Variants in TRMT2B observed in about 807,000 individuals in gnomAD.
The protein encoded by TRMT2B is tRNA methyltransferase 2B.
A neutral mutation model predicts 39.7 loss-of-function variants in TRMT2B; 34 were observed. The observed-to-expected ratio is 0.86, with a 90% CI of 0.65 to 1.14. TRMT2B has a LOEUF of 1.14. Ranked by LOEUF, TRMT2B falls within the 50% of genes most tolerant of loss-of-function variation. The pLI is 0.00. For missense variants in TRMT2B, 318 were observed against 377.2 expected (o/e 0.84, Z 1.30); for synonymous variants, 132 against 137.3 (o/e 0.96, Z 0.27).
At chrX:101,036,938 C>T (rs1486346903) in intron 6 of TRMT2B, 36 bp downstream of exon 6, 1 of 1,064,919 alleles carries the variant, frequency 9.4e-7, no homozygotes, top group Non-Finnish European at 1.3e-6. Context: ...CCTTTCATTC[C>T]TCTTCAGTCT....
Position 101,051,512 on chromosome X carries a change from G to A in TRMT2B, c.-285C>T. 2.7e-6 allele frequency: 2 copies of A among 754,595 alleles called. No individual in the cohort carries two copies. The highest frequency in any genetic ancestry group is 1.3e-4 in the South Asian group (2 of 14,879). The allele number at this position is 754,595 out of a possible 1,213,427, so 62.2% of individuals were successfully genotyped here. On this transcript the variant is annotated 5_prime_UTR_variant, in exon 2 of 14. Coordinates refer to ENST00000372936, the MANE Select transcript of TRMT2B (RefSeq NM_024917.6). ...GCAAGTTCTGCCCACTGTGTCTGTA[G>A]GAAGGGTTAACAAAGAGGAGACACT...
At chrX:101,030,469 C>A (rs866783795) in intron 7 of TRMT2B, among the ~76,000 whole-genome samples, 1 of 28,465 alleles carries the variant, frequency 3.5e-5, no homozygotes, top group African/African-American at 3.8e-4. Context: ...TTTTTTTTTT[C>A]AGATGGAGTC....
intron 13 of TRMT2B, among the ~76,000 whole-genome samples, chrX:101,016,454 T>C (rs1041056184): frequency 9.1e-6 from 1 of 110,417 alleles, no homozygotes; most frequent in Non-Finnish European, 1.9e-5. Context: ...ATGGTATTTG[T>C]AGCACAAAAC....
In TRMT2B at chrX:101,038,090, G is replaced by A. The variant is rs1186208201; in HGVS notation, c.304-39C>T. ...TAAGCTATGAAACGAAATACTGGCT[G>A]GGCACGGTGGCTCACGCCTGTAATC... On this transcript the variant is annotated intron_variant, in intron 4 of 13. Transcript: ENST00000372936. 8.4e-6 allele frequency: 10 copies of A among 1,188,414 alleles called. No homozygotes were observed. In the East Asian group the frequency reaches 9.0e-5, roughly 11 times the overall value.
chrX:100,974,436 T>C, the TRMT2B span, among the ~76,000 whole-genome samples: 1 of 109,669 alleles, frequency 9.1e-6, no homozygotes, highest in African/African-American at 3.3e-5. Flanking sequence ...GTTTATGTAA[T>C]GTCTGTCACC....
the TRMT2B span, among the ~76,000 whole-genome samples, chrX:100,998,415 C>T: frequency 9.2e-6 from 1 of 108,647 alleles, no homozygotes; most frequent in African/African-American, 3.4e-5. Flanking sequence ...ATTAGCCAGG[C>T]GTGGTGGCGC....
At chrX:100,988,189 C>T in the TRMT2B span, 1 of 1,202,624 alleles carries the variant, frequency 8.3e-7, no homozygotes, top group Non-Finnish European at 1.1e-6. Context: ...CCATCTTCCA[C>T]CAGCTTCTCC....
chrX:100,978,236 T>C, the TRMT2B span, among the ~76,000 whole-genome samples: 1 of 112,474 alleles, frequency 8.9e-6, no homozygotes, highest in Non-Finnish European at 1.9e-5. Flanking sequence ...CCATTTGCTC[T>C]ATAGTGCAGA....
chrX:101,023,868 G>C (rs1338914501), intron 7 of TRMT2B, among the ~76,000 whole-genome samples: 1 of 110,712 alleles, frequency 9.0e-6, no homozygotes, highest in Non-Finnish European at 1.9e-5. Flanking sequence ...TTATTTTTCA[G>C]ACGGAGTCTC....
At chrX:101,047,140 A>G (rs1042146094) in intron 2 of TRMT2B, among the ~76,000 whole-genome samples, 3 of 107,314 alleles carry the variant, frequency 2.8e-5, no homozygotes. Flanking sequence ...CTGAGGTGGT[A>G]GCATCACTTG....
chrX:101,021,680 T>C (rs1299491213), intron 9 of TRMT2B, among the ~76,000 whole-genome samples: 2 of 111,140 alleles, frequency 1.8e-5, no homozygotes, highest in Non-Finnish European at 3.8e-5. Context: ...TGGCAGACCA[T>C]CACATCCCTA....
chrX:100,974,111 T>A, the TRMT2B span: 1 of 1,170,024 alleles, frequency 8.5e-7, no homozygotes, highest in Non-Finnish European at 1.2e-6. Flanking sequence ...GGCTCATTTT[T>A]CTTTTTCATT....
the TRMT2B span, among the ~76,000 whole-genome samples, chrX:100,984,100 CT>C: frequency 0.015 from 1,564 of 101,563 alleles, 43 homozygotes; most frequent in African/African-American, 0.052. Context: ...CATTTTCCTT[CT>C]TTTTTTTTTG....
intron 2 of TRMT2B, among the ~76,000 whole-genome samples, chrX:101,048,394 A>C (rs1347920367): frequency 2.7e-5 from 3 of 110,379 alleles, no homozygotes; most frequent in Non-Finnish European, 5.7e-5. Context: ...CCCCATCAAG[A>C]AGCAACAAGA....
chrX:101,020,705 T>G (rs1437523320), intron 10 of TRMT2B, 117 bp from the exon 11 acceptor site: 8 of 591,470 alleles, frequency 1.4e-5, no homozygotes, highest in Non-Finnish European at 2.2e-5. Flanking sequence ...GGTCTCACTC[T>G]GTAGCCTAGG....
the TRMT2B span, among the ~76,000 whole-genome samples, chrX:100,993,859 C>A: frequency 1.3e-4 from 14 of 111,845 alleles, no homozygotes; most frequent in Non-Finnish European, 2.4e-4. Flanking sequence ...GGTGACCAGG[C>A]AATTTCCCCC....
At chrX:101,018,617 T>A (rs945111161) in intron 13 of TRMT2B, among the ~76,000 whole-genome samples, 6 of 109,742 alleles carry the variant, frequency 5.5e-5, no homozygotes, top group Non-Finnish European at 9.5e-5. Context: ...GCCCAGCTAA[T>A]CTTCTATATT....
intron 7 of TRMT2B, among the ~76,000 whole-genome samples, chrX:101,029,607 TTTC>T (rs2087325706): frequency 8.9e-6 from 1 of 111,739 alleles, no homozygotes; most frequent in African/African-American, 3.2e-5. Context: ...GGGAACTTAT[TTTC>T]TTCATTACTG....
chrX:100,987,258 G>T, the TRMT2B span: 1 of 613,807 alleles, frequency 1.6e-6, no homozygotes, highest in South Asian at 3.3e-5. Flanking sequence ...GTGTCTCCTA[G>T]AAGTCTCAGA....
Sources: gnomAD v4.1 joint callset for allele counts (sites outside exome capture counted in the v4.1 genomes callset) on GRCh38, gnomAD v4.1.1 for gene constraint, MANE v1.5 for transcripts, NCBI Gene and HGNC (gene_info 2026-07-23, HGNC 2026-07-21) for gene names.